ALK: variants seen among roughly 807,000 people sequenced by gnomAD.
ALK encodes ALK receptor tyrosine kinase.
Under a neutral mutation model 163.1 loss-of-function variants are expected in ALK, and 74 were observed. That is an observed-to-expected ratio of 0.45 (90% CI 0.38 to 0.55). The LOEUF (loss-of-function observed/expected upper bound fraction) is 0.55, where lower values mean the gene tolerates loss of function less well. Ranked by LOEUF, ALK falls within the 20% of genes least tolerant of loss-of-function variation. The pLI, the probability that ALK is intolerant of heterozygous loss-of-function variation, is 0.00. For synonymous variants in ALK, 960 were observed against 843.2 expected, an observed-to-expected ratio of 1.14 and a Z score of -2.40; for missense variants, 2,063 against 2,105.3, an observed-to-expected ratio of 0.98 and a Z score of 0.39.
At chr2:29,852,811 AG>A in intron 1 of ALK, among the ~76,000 whole-genome samples, 1 of 150,222 alleles carries the variant, frequency 6.7e-6, no homozygotes, top group East Asian at 2.0e-4. Flanking sequence ...GCCCTTAGAA[AG>A]GGATGAAAAG....
At chr2:29,231,847 G>T (rs1664216890) in intron 15 of ALK, among the ~76,000 whole-genome samples, 1 of 152,198 alleles carries the variant, frequency 6.6e-6, no homozygotes, top group Non-Finnish European at 1.5e-5. Flanking sequence ...CTCAGCCGTG[G>T]AGAGTCAAGT....
At chr2:29,908,118 A>T (rs755980663) in intron 1 of ALK, among the ~76,000 whole-genome samples, 1 of 152,198 alleles carries the variant, frequency 6.6e-6, no homozygotes, top group Non-Finnish European at 1.5e-5. Flanking sequence ...TGCAGTCAAC[A>T]CGCAGTCAAA....
chr2:29,917,857 T>G (rs893191016), intron 1 of ALK, among the ~76,000 whole-genome samples: 1 of 152,246 alleles, frequency 6.6e-6, no homozygotes, highest in Non-Finnish European at 1.5e-5. Context: ...CCAAATTTTC[T>G]TGCCTTTTAA....
intron 1 of ALK, among the ~76,000 whole-genome samples, chr2:29,911,161 T>C (rs188360936): frequency 1.3e-5 from 2 of 152,222 alleles, no homozygotes; most frequent in Non-Finnish European, 2.9e-5. Context: ...GGTAGCACCA[T>C]GGACAGCTAA....
At chr2:29,685,500 A>G (rs1447627564) in intron 3 of ALK, among the ~76,000 whole-genome samples, 1 of 152,106 alleles carries the variant, frequency 6.6e-6, no homozygotes, top group Non-Finnish European at 1.5e-5. Context: ...TTTATAGTGG[A>G]GGAGACAGTT....
chr2:29,773,246 AC>A (rs1414034477), intron 1 of ALK, among the ~76,000 whole-genome samples: 1 of 152,142 alleles, frequency 6.6e-6, no homozygotes, highest in African/African-American at 2.4e-5. Flanking sequence ...ACACACACAC[AC>A]ACACACATTT....
chr2:29,812,954 G>A (rs1188166288), intron 1 of ALK, among the ~76,000 whole-genome samples: 2 of 152,190 alleles, frequency 1.3e-5, no homozygotes, highest in African/African-American at 4.8e-5. Flanking sequence ...GCTGTATAGG[G>A]AATAAAGATG....
chr2:29,466,139 T>C (rs1438396028), intron 4 of ALK, among the ~76,000 whole-genome samples: 1 of 152,204 alleles, frequency 6.6e-6, no homozygotes, highest in African/African-American at 2.4e-5. Context: ...AAACAAATAC[T>C]TCAGTAAACT....
At chr2:29,638,513 G>A (rs1676609921) in intron 3 of ALK, among the ~76,000 whole-genome samples, 1 of 148,488 alleles carries the variant, frequency 6.7e-6, no homozygotes, top group East Asian at 2.0e-4. Context: ...GGATGATGGA[G>A]TAGGGTGGGG....
chr2:29,521,271 T>A (rs1182166147), intron 4 of ALK, among the ~76,000 whole-genome samples: 1 of 152,186 alleles, frequency 6.6e-6, no homozygotes, highest in Non-Finnish European at 1.5e-5. Context: ...CTTCTGGCAA[T>A]GGTAGGTCTC....
At chr2:29,689,925 G>A (rs1187279238) in intron 3 of ALK, among the ~76,000 whole-genome samples, 1 of 152,180 alleles carries the variant, frequency 6.6e-6, no homozygotes, top group East Asian at 1.9e-4. Context: ...AATGCCAGAA[G>A]CTGGAGTGGG....
rs2148155557 is a variant in ALK at position 29,209,938 on chromosome 2, C to T, written c.3744-60G>A. The T allele has an allele frequency of 1.5e-6, 2 of 1,349,450 alleles. 1 individual carries two copies. Among genetic ancestry groups the T allele is most frequent in the South Asian group, 2.4e-5 (2 of 84,830 alleles). 83.6% of individuals were successfully genotyped at this position (1,349,450 alleles called of 1,614,324 possible). On this transcript the variant is annotated intron_variant, in intron 24 of 28. Transcript: ENST00000389048. ...CCCTAGGAAGATGAGTGTACAACGGCCATCACTAGGATTTTATCTCCAAGC... is the reference window on the plus strand; with the variant it reads ...CCCTAGGAAGATGAGTGTACAACGGTCATCACTAGGATTTTATCTCCAAGC...
intron 25 of ALK, among the ~76,000 whole-genome samples, chr2:29,208,561 T>C (rs1249239367): frequency 2.0e-5 from 3 of 152,146 alleles, no homozygotes; most frequent in African/African-American, 4.8e-5. Flanking sequence ...ATAGCAGTGG[T>C]AGACACTCCA....
chr2:29,754,806 C>A (rs935586692), intron 1 of ALK, among the ~76,000 whole-genome samples: 2 of 152,090 alleles, frequency 1.3e-5, no homozygotes, highest in Non-Finnish European at 2.9e-5. Flanking sequence ...ACCTTAGTGG[C>A]CACTAATATT....
chr2:29,752,994 T>G (rs527326369), intron 1 of ALK, among the ~76,000 whole-genome samples: 1 of 152,252 alleles, frequency 6.6e-6, no homozygotes, highest in East Asian at 1.9e-4. Context: ...GTTTATCTCC[T>G]TCACTAGGAC....
intron 3 of ALK, among the ~76,000 whole-genome samples, chr2:29,555,085 C>G (rs1203854557): frequency 3.9e-5 from 6 of 152,118 alleles, no homozygotes; most frequent in Non-Finnish European, 7.4e-5. Flanking sequence ...ATGGAGTAAC[C>G]ATTCTTTTAT....
At chr2:29,385,535 G>A (rs900041218) in intron 4 of ALK, among the ~76,000 whole-genome samples, 1 of 152,042 alleles carries the variant, frequency 6.6e-6, no homozygotes, top group Non-Finnish European at 1.5e-5. Context: ...GACTACAGCT[G>A]TGAGCCACCA....
intron 3 of ALK, among the ~76,000 whole-genome samples, chr2:29,567,841 T>C (rs533174686): frequency 6.6e-6 from 1 of 152,356 alleles, no homozygotes; most frequent in East Asian, 1.9e-4. Context: ...ATTTTCTCAA[T>C]TCCAAGTTTA....
chr2:29,471,585 C>A (rs62131818), intron 4 of ALK, among the ~76,000 whole-genome samples: 38,224 of 152,130 alleles, frequency 0.25, 5,860 homozygotes, highest in Non-Finnish European at 0.35. Flanking sequence ...TCATTCATTA[C>A]CTATTCGTGA....
Sources: gnomAD v4.1 joint callset for allele counts (sites outside exome capture counted in the v4.1 genomes callset) on GRCh38, gnomAD v4.1.1 for gene constraint, MANE v1.5 for transcripts, NCBI Gene and HGNC (gene_info 2026-07-23, HGNC 2026-07-21) for gene names.